Variants in OR6K3 observed in about 807,000 individuals in gnomAD.
OR6K3 encodes olfactory receptor 6K3.
For missense variants in OR6K3, 396 were observed against 382.5 expected (o/e 1.04, Z -0.29); for synonymous variants, 169 against 137.7 (o/e 1.23, Z -1.59).
chr1:158,718,245 T>A (rs1488684316), intron 1 of OR6K3, 113 bp from the exon 2 acceptor site: 2 of 643,296 alleles, frequency 3.1e-6, no homozygotes, highest in African/African-American at 1.8e-5. Flanking sequence ...AGGTTTCATT[T>A]TTTTTCCTGA....
At chr1:158,718,196 C>T (rs1656213479) in intron 1 of OR6K3, 64 bp from the exon 2 acceptor site, 7 of 835,160 alleles carry the variant, frequency 8.4e-6, no homozygotes, top group African/African-American at 1.7e-5. Context: ...ATAAGATGTA[C>T]AGCTAAACAT....
At chr1:158,718,223 G>C (rs760967609) in intron 1 of OR6K3, 91 bp from the exon 2 acceptor site, 6 of 704,482 alleles carry the variant, frequency 8.5e-6, no homozygotes, top group Admixed American at 7.8e-5. Context: ...GAAGTAAGAA[G>C]AACTACCTTG....
upstream of OR6K3, among the ~76,000 whole-genome samples, chr1:158,722,666 G>T (rs1656308545): frequency 6.6e-6 from 1 of 151,968 alleles, no homozygotes; most frequent in African/African-American, 2.4e-5. Flanking sequence ...ATTTCCCTCA[G>T]TCGGATCTCA....
chr1:158,719,325 T>G (rs975819405), intron 1 of OR6K3, among the ~76,000 whole-genome samples: 1 of 152,044 alleles, frequency 6.6e-6, no homozygotes, highest in African/African-American at 2.4e-5. Flanking sequence ...TCTTATAGTT[T>G]TATACACTCC....
chr1:158,718,304 A>G (rs1287934684), intron 1 of OR6K3, 172 bp from the exon 2 acceptor site: 2 of 477,392 alleles, frequency 4.2e-6, no homozygotes, highest in Admixed American at 3.8e-5. Context: ...TTTCATATCA[A>G]ACATTTTTTT....
upstream of OR6K3, among the ~76,000 whole-genome samples, chr1:158,722,638 A>C (rs1336634027): frequency 6.6e-6 from 1 of 151,946 alleles, no homozygotes; most frequent in Non-Finnish European, 1.5e-5. Context: ...TTTCTTGTCC[A>C]ACACCGGGCA....
At chr1:158,723,230 T>TATCTATCTATCTATC (rs1273186911), upstream of OR6K3, among the ~76,000 whole-genome samples, 2 of 146,406 alleles carry the variant, frequency 1.4e-5, no homozygotes. Context: ...CCTATCTGTC[T>TATCTATCTATCTATC]ATCTATCTAT....
rs1656178247 is a variant in OR6K3 at position 158,717,453 on chromosome 1, G to C, written c.663C>G (p.Val221=). 4 of 1,613,668 alleles carry C rather than the reference G, an allele frequency of 2.5e-6. No individual in the cohort carries two copies. The highest frequency in any genetic ancestry group is 1.7e-6 in the Non-Finnish European group (2 of 1,179,764). Residue 221 remains valine (V), a synonymous_variant, in exon 2 of 2, where the codon GTC becomes GTG. Coordinates refer to ENST00000368145, the MANE Select transcript of OR6K3 (RefSeq NM_001005327.3). ...AAGAGGGAATCCTCAATATCACAGT[G>C]ACAATTCTTACATAGGACAGGGCAA... The part of the protein sequence containing the change: ...LIIALSYVRI[V]TVILRIPSSE...
Position 158,718,033 on chromosome 1 carries a change from A to AAAT in OR6K3, c.82_83insATT (p.Tyr27dup). 1 of 1,613,008 alleles carries AAAT rather than the reference A, an allele frequency of 6.2e-7. No homozygotes were observed. The highest frequency in any genetic ancestry group is 8.5e-7 in the Non-Finnish European group (1 of 1,179,328). ...AGTATAGATGAAAAGTAAAGGAAAGAAGTACAGGAGACTACCATCCTGAAG... is the reference window on the plus strand; with the variant it reads ...AGTATAGATGAAAAGTAAAGGAAAGAAATAGTACAGGAGACTACCATCCTGAAG... On this transcript the variant is annotated inframe_insertion, in exon 2 of 2. Transcript: ENST00000368145.
At chr1:158,721,595 A>G (rs2101987240), upstream of OR6K3, among the ~76,000 whole-genome samples, 1 of 151,932 alleles carries the variant, frequency 6.6e-6, no homozygotes, top group Non-Finnish European at 1.5e-5. Context: ...ATTTCCAATG[A>G]TTTTGTATAA....
intron 1 of OR6K3, 26 bp downstream of exon 1, chr1:158,720,657 T>G (rs957098395): frequency 6.6e-6 from 1 of 151,952 alleles, no homozygotes; most frequent in African/African-American, 2.4e-5. Flanking sequence ...ATTCGGTCTC[T>G]TTATGACTTA....
intron 1 of OR6K3, among the ~76,000 whole-genome samples, chr1:158,719,623 T>C (rs1656245211): frequency 6.6e-6 from 1 of 151,984 alleles, no homozygotes; most frequent in Admixed American, 6.6e-5. Flanking sequence ...ATACTGCTGG[T>C]TAAAAGTCTA....
At chr1:158,718,263 C>A (rs1012620548) in intron 1 of OR6K3, 131 bp from the exon 2 acceptor site, 1 of 592,290 alleles carries the variant, frequency 1.7e-6, no homozygotes, top group Non-Finnish European at 2.9e-6. Context: ...TGACTTTAAA[C>A]TCATGTACAT....
rs530421846 is a variant in OR6K3 at position 158,719,056 on chromosome 1, T to C, written c.-17-924A>G. On this transcript the variant is annotated intron_variant, in intron 1 of 1. Coordinates refer to ENST00000368145, the MANE Select transcript of OR6K3 (RefSeq NM_001005327.3). ...CTAATTACTAATGGAAACTATCCAGTCATCTCTGGCACTCGACACTTTTCA... is the reference window on the plus strand; with the variant it reads ...CTAATTACTAATGGAAACTATCCAGCCATCTCTGGCACTCGACACTTTTCA... Among the ~76,000 whole-genome samples the C allele has an allele frequency of 3.3e-5, 5 of 152,164 alleles. No individual in the cohort carries two copies. The South Asian group carries it at 1.0e-3, about 32-fold the overall frequency.
At position 158,717,104 on chromosome 1, in the gene OR6K3, G is replaced by A. The variant is rs1656164768; in HGVS notation, c.*64C>T. ...TTGCACTCCAGCCCAGGCAACAAGA[G>A]TGAAACTCCATCTCAAAAAACAAAA... On this transcript the variant is annotated 3_prime_UTR_variant, in exon 2 of 2. Coordinates refer to ENST00000368145, the MANE Select transcript of OR6K3 (RefSeq NM_001005327.3). 3.5e-6 allele frequency: 4 copies of A among 1,154,900 alleles called. No homozygotes were observed. The highest frequency in any genetic ancestry group is 1.4e-5 in the South Asian group (1 of 70,028). The allele number at this position is 1,154,900 out of a possible 1,614,324, so 71.5% of individuals were successfully genotyped here.
At chr1:158,722,460 C>G (rs1259619069), upstream of OR6K3, among the ~76,000 whole-genome samples, 1 of 151,982 alleles carries the variant, frequency 6.6e-6, no homozygotes, top group Admixed American at 6.6e-5. Flanking sequence ...CAGTGGATAA[C>G]TCCATTGTGA....
chr1:158,721,837 C>T (rs1194299856), upstream of OR6K3, among the ~76,000 whole-genome samples: 1 of 151,844 alleles, frequency 6.6e-6, no homozygotes, highest in Non-Finnish European at 1.5e-5. Context: ...ATCTTCCAGG[C>T]AATCTTACAA....
upstream of OR6K3, among the ~76,000 whole-genome samples, chr1:158,723,718 A>G (rs1656328795): frequency 2.0e-5 from 3 of 152,056 alleles, no homozygotes; most frequent in Admixed American, 6.6e-5. Context: ...ATGTGGCATC[A>G]CTGAAATACA....
At position 158,717,219 on chromosome 1, in the gene OR6K3, C is replaced by T. The variant is rs857701; in HGVS notation, c.897G>A (p.Ala299=). 11,394 of 1,613,016 alleles carry T rather than the reference C, an allele frequency of 7.1e-3. 676 individuals are homozygous for T. In the African/African-American group the frequency reaches 0.13, roughly 19 times the overall value. The change falls in exon 2 of 2, where the codon GCG becomes GCA. Residue 299 remains alanine (A), a synonymous_variant. Coordinates refer to ENST00000368145, the MANE Select transcript of OR6K3 (RefSeq NM_001005327.3). ...TTTGAAGACAGAACAGTTTTTTAAT[C>T]GCATTGTTCATGTCCTTGTTTCTCA... is the stretch of plus-strand genomic sequence containing the variant. ...YSLRNKDMNN[A]IKKLFCLQKV...
Sources: gnomAD v4.1 joint callset for allele counts (sites outside exome capture counted in the v4.1 genomes callset) on GRCh38, gnomAD v4.1.1 for gene constraint, MANE v1.5 for transcripts, NCBI Gene and HGNC (gene_info 2026-07-23, HGNC 2026-07-21) for gene names.